Variants in LCK observed in about 807,000 individuals in gnomAD.
LCK encodes the protein LCK proto-oncogene, Src family tyrosine kinase.
LCK carries 14 observed loss-of-function variants against 64.6 expected under a neutral mutation model. The observed-to-expected ratio is 0.22, with a 90% CI of 0.14 to 0.34. LCK has a LOEUF of 0.34. Ranked by LOEUF, LCK falls within the 10% of genes least tolerant of loss-of-function variation. The pLI, the probability that LCK is intolerant of heterozygous loss-of-function variation, is 1.00. For missense variants in LCK, 434 were observed against 668.1 expected (o/e 0.65, Z 3.86); for synonymous variants, 277 against 263.6 (o/e 1.05, Z -0.49).
intron 1 of LCK, among the ~76,000 whole-genome samples, chr1:32,257,245 T>TG (rs1639653429): frequency 6.6e-6 from 1 of 151,056 alleles, no homozygotes; most frequent in Non-Finnish European, 1.5e-5. Context: ...GTTTTTTTTT[T>TG]TTTTGTTTTT....
At chr1:32,254,055 G>T (rs1365049609) in intron 1 of LCK, among the ~76,000 whole-genome samples, 2 of 152,244 alleles carry the variant, frequency 1.3e-5, no homozygotes, top group East Asian at 3.9e-4. Context: ...GTGGGGTGGG[G>T]TAGGTGGTGA....
intron 1 of LCK, among the ~76,000 whole-genome samples, chr1:32,253,590 G>A (rs867172059): frequency 6.6e-6 from 1 of 152,136 alleles, no homozygotes; most frequent in East Asian, 1.9e-4. Flanking sequence ...CCAGCACATA[G>A]TAGGTGTTTA....
chr1:32,281,894 C>G (rs1314504134), intron 12 of LCK, among the ~76,000 whole-genome samples: 3 of 151,914 alleles, frequency 2.0e-5, no homozygotes, highest in African/African-American at 4.8e-5. Context: ...GAAACCCCGT[C>G]TCTACTAAAA....
At position 32,283,983 on chromosome 1, in the gene LCK, C is replaced by T. The variant is rs567790635; in HGVS notation, c.1328-1531C>T. On this transcript the variant is annotated intron_variant, in intron 12 of 12. Coordinates refer to ENST00000336890, the MANE Select transcript of LCK (RefSeq NM_005356.5). ...GCAACCTCTACCTCCTGGGTTTAAG[C>T]GATTCTCCTGCCTCAGTCTCTCGGG... Among the ~76,000 whole-genome samples the T allele has an allele frequency of 5.9e-5, 9 of 151,688 alleles. No individual in the cohort carries two copies. In the East Asian group the frequency reaches 1.4e-3, roughly 23 times the overall value.
At chr1:32,282,087 A>G (rs72888226) in intron 12 of LCK, among the ~76,000 whole-genome samples, 6,981 of 152,170 alleles carry the variant, frequency 0.046, 521 homozygotes, top group African/African-American at 0.16. Context: ...AAACAAAAAC[A>G]ACCACCTTGG....
In LCK at chr1:32,285,576, A is replaced by T; in HGVS notation, c.1390A>T (p.Asn464Tyr). 6.2e-7 allele frequency: 1 copy of T among 1,614,228 alleles called. No individual in the cohort carries two copies. The highest frequency in any genetic ancestry group is 8.5e-7 in the Non-Finnish European group (1 of 1,180,044). The change falls in exon 13 of 13, where the codon AAC becomes TAC. Residue 464 changes from asparagine to tyrosine, a missense_variant. Physicochemically the swap from Asn to Tyr is moderately radical, Grantham distance 143. Transcript: ENST00000336890. Reference sequence around the variant, plus strand: ...AGGCTACCGCATGGTGCGCCCTGACAACTGTCCAGAGGAGCTGTACCAACT... The same window carrying T: ...AGGCTACCGCATGGTGCGCCCTGACTACTGTCCAGAGGAGCTGTACCAACT... ...ERGYRMVRPDNCPEELYQLMR... is the reference protein window; with the variant it reads ...ERGYRMVRPDYCPEELYQLMR...
At position 32,275,854 on chromosome 1, in the gene LCK, G is replaced by A. The variant is rs1298199365; in HGVS notation, c.482-60G>A. The stretch of plus-strand genomic sequence containing the variant: ...CTGGGTGAGCCCAAGGTGGGGGCGC[G>A]GTGGCGGGCCAGACTCACTGCGTTC... On this transcript the variant is annotated intron_variant, in intron 6 of 12. Transcript: ENST00000336890. The surrounding 1 kb of genome is among the most constrained non-coding windows in gnomAD (Gnocchi z 6.9). 5 of 1,594,618 alleles carry A rather than the reference G, an allele frequency of 3.1e-6. No individual in the cohort carries two copies. The African/African-American group carries it at 4.0e-5, about 13-fold the overall frequency.
chr1:32,284,896 A>T (rs531975288), intron 12 of LCK, among the ~76,000 whole-genome samples: 4 of 152,180 alleles, frequency 2.6e-5, no homozygotes, highest in Non-Finnish European at 4.4e-5. Flanking sequence ...AGGTGAAAGG[A>T]TCACTTGAAC....
chr1:32,264,664 GT>G (rs2124324703), intron 1 of LCK, among the ~76,000 whole-genome samples: 1 of 152,150 alleles, frequency 6.6e-6, no homozygotes, highest in East Asian at 1.9e-4. Flanking sequence ...ACCATTCCCT[GT>G]TCTACACTCC....
rs775683851 is a variant in LCK, at chr1:32,275,020, A to G, written c.215A>G (p.Tyr72Cys). ...QDNLVIALHS[Y>C]EPSHDGDLGF... Reference sequence around the variant, plus strand: ...AACCTGGTTATCGCTCTGCACAGCTATGAGCCCTCTCACGACGGAGATCTG... The same window carrying G: ...AACCTGGTTATCGCTCTGCACAGCTGTGAGCCCTCTCACGACGGAGATCTG... Residue 72 changes from tyrosine to cysteine, a missense_variant, in exon 4 of 13, where the codon TAT (tyrosine) becomes TGT (cysteine). By Grantham distance (194) the Tyr-to-Cys change is radical. This residue lies in a region of LCK where 233 missense variants were observed against 291.2 expected (regional missense o/e 0.80). Transcript: ENST00000336890. The surrounding 1 kb of genome is among the most constrained non-coding windows in gnomAD (Gnocchi z 6.9). 8.7e-6 allele frequency: 14 copies of G among 1,614,120 alleles called. No homozygotes were observed. In the South Asian group the frequency reaches 8.8e-5, roughly 10 times the overall value.
At chr1:32,281,469 A>AAAAAAAG (rs1640458731) in intron 12 of LCK, among the ~76,000 whole-genome samples, 1 of 151,398 alleles carries the variant, frequency 6.6e-6, no homozygotes, top group African/African-American at 2.4e-5. Context: ...CAAAAAAAAA[A>AAAAAAAG]AAAAAGAAAA....
chr1:32,261,050 T>A (rs1011607143), intron 1 of LCK, among the ~76,000 whole-genome samples: 12 of 151,344 alleles, frequency 7.9e-5, no homozygotes, highest in East Asian at 1.9e-4. Context: ...AACTTAAAAA[T>A]TTTTTTTAAT....
intron 1 of LCK, among the ~76,000 whole-genome samples, chr1:32,272,623 A>AAGAGAGAGAGAGAG (rs145594259): frequency 1.1e-4 from 13 of 123,136 alleles, no homozygotes; most frequent in South Asian, 1.0e-3. Flanking sequence ...GAGAGAGAGA[A>AAGAGAGAGAGAGAG]AGAGAGAGAG....
At chr1:32,271,832 T>C (rs970199623) in intron 1 of LCK, among the ~76,000 whole-genome samples, 1 of 152,182 alleles carries the variant, frequency 6.6e-6, no homozygotes, top group African/African-American at 2.4e-5. Flanking sequence ...CTGCTCTTGA[T>C]GAACCCCCAC....
intron 1 of LCK, among the ~76,000 whole-genome samples, chr1:32,262,703 C>T (rs532421791): frequency 3.0e-4 from 46 of 151,456 alleles, no homozygotes; most frequent in Middle Eastern, 6.8e-3. Flanking sequence ...GGATTACAGG[C>T]GTGAGTCACC....
chr1:32,251,885 C>A lies in LCK; in HGVS notation c.-6+514C>A, dbSNP rs890857031. Among the ~76,000 whole-genome samples the A allele has an allele frequency of 7.2e-6, 1 of 138,070 alleles. No individual in the cohort carries two copies. Among genetic ancestry groups the A allele is most frequent in the African/African-American group, 2.8e-5 (1 of 35,144 alleles). The allele number at this position is 138,070 out of a possible 152,430, so 90.6% of individuals were successfully genotyped here. ...TGGGGCAGACCCCAGTGACAAGAAT[C>A]TCCTGAGAAAGAGAGAGAGAGAGAG... is the stretch of plus-strand genomic sequence containing the variant. On this transcript the variant is annotated intron_variant, in intron 1 of 12. Transcript: ENST00000336890. The surrounding 1 kb of genome is among the most constrained non-coding windows in gnomAD (Gnocchi z 4.0).
At position 32,274,209 on chromosome 1, in the gene LCK, A is replaced by G. The variant is rs752566254; in HGVS notation, c.-5-116A>G. ...TCTGTGGCTGGTGAATGGGGATCCC[A>G]GGATCTCACAATCTCAGGTACTTTT... On this transcript the variant is annotated intron_variant, in intron 1 of 12. Transcript: ENST00000336890. The G allele has an allele frequency of 5.8e-6, 9 of 1,555,444 alleles. No individual in the cohort carries two copies. The South Asian group carries it at 7.0e-5, about 12-fold the overall frequency.
intron 9 of LCK, 107 bp from the exon 10 acceptor site, chr1:32,279,564 T>C: frequency 6.3e-7 from 1 of 1,590,090 alleles, no homozygotes; most frequent in Non-Finnish European, 8.6e-7. Context: ...TCTTCAATCT[T>C]CCTTTTCACA....
At chr1:32,257,250 G>GT (rs796131721) in intron 1 of LCK, among the ~76,000 whole-genome samples, 133 of 131,002 alleles carry the variant, frequency 1.0e-3, no homozygotes, top group Middle Eastern at 3.6e-3. Flanking sequence ...TTTTTTTTTT[G>GT]TTTTTTTTGT....
Sources: gnomAD v4.1 joint callset for allele counts (sites outside exome capture counted in the v4.1 genomes callset) on GRCh38, gnomAD v4.1.1 for gene constraint, gnomAD v4.1.1 regional missense constraint, Gnocchi (gnomAD v3.1) non-coding constraint, MANE v1.5 for transcripts, NCBI Gene and HGNC (gene_info 2026-07-23, HGNC 2026-07-21) for gene names.